Variants in MIR2052HG observed in about 807,000 individuals in gnomAD.
MIR2052HG encodes the protein MIR2052 host gene.
At chr8:74,632,793 T>C (rs1470025926) in intron 2 of MIR2052HG, among the ~76,000 whole-genome samples, 1 of 152,154 alleles carries the variant, frequency 6.6e-6, no homozygotes, top group Non-Finnish European at 1.5e-5. Flanking sequence ...CTCTTTTCTC[T>C]GAAGACAAAC....
chr8:74,743,682 G>T (rs923533818), intron 4 of MIR2052HG, among the ~76,000 whole-genome samples: 3 of 152,204 alleles, frequency 2.0e-5, no homozygotes, highest in Non-Finnish European at 4.4e-5. Flanking sequence ...ATCACTTGCT[G>T]ATGTAGGCTC....
intron 2 of MIR2052HG, among the ~76,000 whole-genome samples, chr8:74,688,471 G>A (rs2128739684): frequency 6.6e-6 from 1 of 151,614 alleles, no homozygotes; most frequent in Middle Eastern, 3.4e-3. Flanking sequence ...GTATACACGA[G>A]CTATACATGG....
intron 4 of MIR2052HG, among the ~76,000 whole-genome samples, chr8:74,731,783 A>G (rs934083353): frequency 6.6e-6 from 1 of 152,194 alleles, no homozygotes; most frequent in African/African-American, 2.4e-5. Flanking sequence ...TATAATCACA[A>G]CAATGACTTA....
At chr8:74,703,349 A>G (rs115268750) in intron 3 of MIR2052HG, among the ~76,000 whole-genome samples, 1,692 of 152,144 alleles carry the variant, frequency 0.011, 26 homozygotes, top group African/African-American at 0.038. Context: ...GTGAATCTTT[A>G]TTTTAATCTT....
chr8:74,673,385 G>T, intron 2 of MIR2052HG, among the ~76,000 whole-genome samples: 1 of 152,010 alleles, frequency 6.6e-6, no homozygotes, highest in Middle Eastern at 3.2e-3. Flanking sequence ...CTTCTCAGCT[G>T]ATTCTGACAC....
intron 2 of MIR2052HG, among the ~76,000 whole-genome samples, chr8:74,648,828 T>C (rs1369627697): frequency 1.3e-5 from 2 of 152,170 alleles, no homozygotes; most frequent in African/African-American, 2.4e-5. Context: ...ATAGATCATA[T>C]CTAAGTGTTT....
chr8:74,640,616 C>G (rs1197167330), intron 2 of MIR2052HG, among the ~76,000 whole-genome samples: 1 of 152,116 alleles, frequency 6.6e-6, no homozygotes, highest in Non-Finnish European at 1.5e-5. Flanking sequence ...CATCCACTTG[C>G]TCTTTATGTT....
chr8:74,608,362 ACT>A (rs1264961808), intron 1 of MIR2052HG, among the ~76,000 whole-genome samples: 1 of 152,168 alleles, frequency 6.6e-6, no homozygotes, highest in Non-Finnish European at 1.5e-5. Context: ...TTAAATTGTA[ACT>A]CTTTTTTTCT....
At chr8:74,686,392 G>T (rs1365351825) in intron 2 of MIR2052HG, among the ~76,000 whole-genome samples, 3 of 151,802 alleles carry the variant, frequency 2.0e-5, no homozygotes, top group Non-Finnish European at 2.9e-5. Flanking sequence ...GTCTTATTTT[G>T]TTCAACTTGA....
intron 2 of MIR2052HG, among the ~76,000 whole-genome samples, chr8:74,642,138 A>G (rs1428245980): frequency 6.6e-6 from 1 of 152,172 alleles, no homozygotes; most frequent in Non-Finnish European, 1.5e-5. Context: ...TCTGAAGGTC[A>G]TTAAACTTGC....
intron 4 of MIR2052HG, among the ~76,000 whole-genome samples, chr8:74,747,622 C>G (rs1448154918): frequency 6.6e-6 from 1 of 152,088 alleles, no homozygotes; most frequent in African/African-American, 2.4e-5. Context: ...GACCAATGAT[C>G]AGGTAGTATC....
intron 2 of MIR2052HG, among the ~76,000 whole-genome samples, chr8:74,667,212 G>T (rs1808939114): frequency 1.3e-5 from 2 of 152,148 alleles, no homozygotes; most frequent in Non-Finnish European, 2.9e-5. Flanking sequence ...TGGAGAAAAG[G>T]GTGGGCTTAT....
At chr8:74,644,439 G>C (rs985816052) in intron 2 of MIR2052HG, among the ~76,000 whole-genome samples, 1 of 152,158 alleles carries the variant, frequency 6.6e-6, no homozygotes, top group African/African-American at 2.4e-5. Context: ...GTGTGTAGCA[G>C]GTTACACCAT....
intron 4 of MIR2052HG, among the ~76,000 whole-genome samples, chr8:74,710,620 T>C (rs1809457853): frequency 6.6e-6 from 1 of 152,178 alleles, no homozygotes; most frequent in African/African-American, 2.4e-5. Context: ...CTGAACTATA[T>C]AAGTATTCAC....
intron 4 of MIR2052HG, among the ~76,000 whole-genome samples, chr8:74,726,777 T>A (rs1809641413): frequency 6.6e-6 from 1 of 152,204 alleles, no homozygotes. Context: ...CTGGATTTCA[T>A]GCAAAATACA....
rs142232138 is a variant in MIR2052HG at position 74,641,647 on chromosome 8, C to T, written n.216+28707C>T. Among the ~76,000 whole-genome samples, 182 of 151,716 alleles carry T rather than the reference C, an allele frequency of 1.2e-3. 1 individual carries two copies. Among genetic ancestry groups the T allele is most frequent in the African/African-American group, 4.0e-3 (165 of 41,340 alleles). ...TGCTTAAGTACAAAAGTTGAGAAAA[C>T]ATTTCATGGGGTTTTTTTTGGTAAG... On this transcript the variant is annotated intron_variant and non_coding_transcript_variant, in intron 2 of 6. Coordinates refer to ENST00000523442, the Ensembl canonical transcript of MIR2052HG.
intron 2 of MIR2052HG, among the ~76,000 whole-genome samples, chr8:74,615,363 T>C (rs556438871): frequency 1.3e-5 from 2 of 152,312 alleles, no homozygotes; most frequent in South Asian, 4.1e-4. Context: ...TCAAAGATTA[T>C]TGCAGCCAGA....
chr8:74,679,278 T>G (rs1809091912), intron 2 of MIR2052HG, among the ~76,000 whole-genome samples: 1 of 152,052 alleles, frequency 6.6e-6, no homozygotes, highest in East Asian at 1.9e-4. Flanking sequence ...CTGAAGTCCA[T>G]TATATCACTC....
At chr8:74,683,288 T>C (rs1012034992) in intron 2 of MIR2052HG, among the ~76,000 whole-genome samples, 1 of 152,146 alleles carries the variant, frequency 6.6e-6, no homozygotes, top group African/African-American at 2.4e-5. Flanking sequence ...GAATGAAGAA[T>C]TTAGCAAAAT....
Sources: allele counts gnomAD v4.1 joint callset (sites outside exome capture counted in the v4.1 genomes callset), GRCh38; gene constraint gnomAD v4.1.1; transcripts MANE v1.5; gene names NCBI Gene and HGNC (gene_info 2026-07-23, HGNC 2026-07-21).